Variants in PTPRD observed in about 807,000 individuals in gnomAD.
PTPRD encodes the protein protein tyrosine phosphatase receptor type D.
Under a neutral mutation model 214.5 loss-of-function variants are expected in PTPRD, and 34 were observed. The observed-to-expected ratio is 0.16, with a 90% CI of 0.12 to 0.21. PTPRD has a LOEUF of 0.21. Among genes scored for constraint, PTPRD ranks in the 10% least tolerant of loss-of-function variants. The pLI is 1.00. For synonymous variants in PTPRD, 1,128 were observed against 845.7 expected, an observed-to-expected ratio of 1.33 and a Z score of -5.79; for missense variants, 2,545 against 2,398.7, an observed-to-expected ratio of 1.06 and a Z score of -1.27.
At chr9:9,598,930 G>T (rs1198147258) in intron 7 of PTPRD, among the ~76,000 whole-genome samples, 3 of 151,888 alleles carry the variant, frequency 2.0e-5, no homozygotes, top group Non-Finnish European at 4.4e-5. Flanking sequence ...TGACATTTTA[G>T]CTCATCATCA....
intron 14 of PTPRD, among the ~76,000 whole-genome samples, chr9:8,566,154 A>G (rs2089071778): frequency 7.9e-6 from 1 of 125,946 alleles, no homozygotes; most frequent in Admixed American, 8.1e-5. Flanking sequence ...AGCAAGTTTC[A>G]TTTATAGACC....
chr9:10,413,978 G>A (rs1587671519), intron 2 of PTPRD, among the ~76,000 whole-genome samples: 1 of 151,920 alleles, frequency 6.6e-6, no homozygotes, highest in East Asian at 1.9e-4. Context: ...AGTCTTAAAT[G>A]TAAAATCCCA....
chr9:9,348,766 C>T (rs2049931604), intron 9 of PTPRD, among the ~76,000 whole-genome samples: 1 of 152,056 alleles, frequency 6.6e-6, no homozygotes, highest in Non-Finnish European at 1.5e-5. Context: ...TTCTCTTGAA[C>T]ATTTGTGCTA....
intron 7 of PTPRD, among the ~76,000 whole-genome samples, chr9:9,701,898 C>T (rs1257936730): frequency 1.3e-5 from 2 of 152,046 alleles, no homozygotes; most frequent in Non-Finnish European, 2.9e-5. Flanking sequence ...GCGGGTGGAC[C>T]ACCTGAGGTC....
At chr9:9,635,406 T>C (rs944099309) in intron 7 of PTPRD, among the ~76,000 whole-genome samples, 3 of 152,176 alleles carry the variant, frequency 2.0e-5, no homozygotes, top group East Asian at 1.9e-4. Flanking sequence ...TCCCGAACTT[T>C]ATTGTAAGGT....
At chr9:9,467,699 C>T (rs1355885152) in intron 8 of PTPRD, among the ~76,000 whole-genome samples, 1 of 147,814 alleles carries the variant, frequency 6.8e-6, no homozygotes, top group Admixed American at 6.8e-5. Flanking sequence ...AAATTTCTCT[C>T]TTATTTTGTA....
intron 9 of PTPRD, among the ~76,000 whole-genome samples, chr9:9,222,863 T>C (rs991943257): frequency 6.6e-6 from 1 of 152,044 alleles, no homozygotes; most frequent in Non-Finnish European, 1.5e-5. Context: ...AATTTTACAG[T>C]ACAATATTCA....
At chr9:8,812,500 C>T (rs751397868) in intron 11 of PTPRD, among the ~76,000 whole-genome samples, 6 of 152,058 alleles carry the variant, frequency 3.9e-5, no homozygotes, top group South Asian at 2.1e-4. Flanking sequence ...AAATAATTTC[C>T]GTAGATGATA....
At chr9:9,220,960 A>G (rs1357254995) in intron 9 of PTPRD, among the ~76,000 whole-genome samples, 1 of 152,076 alleles carries the variant, frequency 6.6e-6, no homozygotes, top group Admixed American at 6.6e-5. Flanking sequence ...GATTGGCAGC[A>G]GCCAGGATGC....
intron 4 of PTPRD, among the ~76,000 whole-genome samples, chr9:9,968,699 C>T (rs962881454): frequency 2.0e-5 from 3 of 151,998 alleles, no homozygotes; most frequent in Non-Finnish European, 4.4e-5. Context: ...AATTCCTCTT[C>T]CACTCCTACA....
chr9:9,894,974 C>A (rs1199068124), intron 5 of PTPRD, among the ~76,000 whole-genome samples: 1 of 151,860 alleles, frequency 6.6e-6, no homozygotes, highest in African/African-American at 2.4e-5. Flanking sequence ...TAAAATATTT[C>A]TAGAAAAAAT....
intron 2 of PTPRD, among the ~76,000 whole-genome samples, chr9:10,411,455 G>C (rs899199199): frequency 1.3e-5 from 2 of 151,754 alleles, no homozygotes; most frequent in African/African-American, 2.4e-5. Flanking sequence ...ATTTGCTTAA[G>C]AGGAAATTGT....
At chr9:9,398,593 T>C (rs550892599) in intron 8 of PTPRD, among the ~76,000 whole-genome samples, 26 of 152,144 alleles carry the variant, frequency 1.7e-4, no homozygotes, top group Middle Eastern at 3.4e-3. Context: ...CAAAACTTCT[T>C]AGTTTAACAA....
At chr9:8,741,387 C>T (rs920080865) in intron 11 of PTPRD, among the ~76,000 whole-genome samples, 2 of 151,966 alleles carry the variant, frequency 1.3e-5, no homozygotes, top group African/African-American at 2.4e-5. Context: ...GGCAATGAAA[C>T]GGTTAAAATA....
At chr9:8,803,115 C>T (rs1039598286) in intron 11 of PTPRD, among the ~76,000 whole-genome samples, 4 of 151,886 alleles carry the variant, frequency 2.6e-5, no homozygotes, top group African/African-American at 7.3e-5. Context: ...CCTCCTAGGG[C>T]GGTTAAAAGA....
Position 8,847,113 on chromosome 9 carries a change from CTG to C in PTPRD, c.-103-113169_-103-113168del. On this transcript the variant is annotated intron_variant, in intron 11 of 45. Transcript: ENST00000381196. ...TATCCTCGATATAATACAAGTGTAA[CTG>C]AGAGAAAACAGATTTTGAATGATAA... is the stretch of plus-strand genomic sequence containing the variant. Among the ~76,000 whole-genome samples, 3 of 151,892 alleles carry C rather than the reference CTG, an allele frequency of 2.0e-5. No individual in the cohort carries two copies. The Middle Eastern group carries it at 0.01, about 517-fold the overall frequency.
chr9:9,235,693 G>C (rs1040244879), intron 9 of PTPRD, among the ~76,000 whole-genome samples: 5 of 152,056 alleles, frequency 3.3e-5, no homozygotes, highest in African/African-American at 9.7e-5. Context: ...AGATAAAAAA[G>C]GTCAGAATTT....
chr9:8,465,725 G>T (rs145355246), intron 31 of PTPRD, 50 bp from the exon 32 acceptor site: 12 of 1,477,268 alleles, frequency 8.1e-6, no homozygotes, highest in East Asian at 4.6e-5. Flanking sequence ...TAATAACCCA[G>T]CTTATTGATA....
At chr9:10,010,505 T>C (rs1297180428) in intron 4 of PTPRD, among the ~76,000 whole-genome samples, 1 of 151,772 alleles carries the variant, frequency 6.6e-6, no homozygotes, top group Non-Finnish European at 1.5e-5. Context: ...GGAGGACTTA[T>C]TCAGGTATTG....
Sources: gnomAD v4.1 joint callset for allele counts (sites outside exome capture counted in the v4.1 genomes callset) on GRCh38, gnomAD v4.1.1 for gene constraint, MANE v1.5 for transcripts, NCBI Gene and HGNC (gene_info 2026-07-23, HGNC 2026-07-21) for gene names.